The following PATJ variants were observed in gnomAD, a reference collection of about 807,000 sequenced individuals.
PATJ encodes PATJ crumbs cell polarity complex component, also known as inaD-like protein.
PATJ carries 190 observed loss-of-function variants against 224.9 expected under a neutral mutation model. That is an observed-to-expected ratio of 0.84 (90% CI 0.75 to 0.95). PATJ has a LOEUF of 0.95. Among genes scored for constraint, PATJ ranks in the 40% least tolerant of loss-of-function variants. The pLI, the probability that PATJ is intolerant of heterozygous loss-of-function variation, is 0.00. For synonymous variants in PATJ, 769 were observed against 820.3 expected, an observed-to-expected ratio of 0.94 and a Z score of 1.07; for missense variants, 2,121 against 2,270.3, an observed-to-expected ratio of 0.93 and a Z score of 1.34.
intron 27 of PATJ, among the ~76,000 whole-genome samples, chr1:61,936,641 G>A (rs750980452): frequency 4.0e-5 from 6 of 151,864 alleles, no homozygotes; most frequent in Non-Finnish European, 8.8e-5. Context: ...GCGTGATCTC[G>A]GCTCACTGTA....
At chr1:61,755,114 T>G (rs1233225706) in intron 1 of PATJ, among the ~76,000 whole-genome samples, 2 of 151,948 alleles carry the variant, frequency 1.3e-5, no homozygotes, top group African/African-American at 4.8e-5. Flanking sequence ...AAGACCAGCC[T>G]GGCTGAGATG....
chr1:62,043,718 T>C (rs1381959868), intron 30 of PATJ, among the ~76,000 whole-genome samples: 1 of 131,768 alleles, frequency 7.6e-6, no homozygotes, highest in East Asian at 1.9e-4. Flanking sequence ...TTTTGTTTGG[T>C]TTTGGTTTGG....
At chr1:62,029,820 A>G (rs4915792) in intron 29 of PATJ, among the ~76,000 whole-genome samples, 20,314 of 152,194 alleles carry the variant, frequency 0.13, 1,572 homozygotes, top group Middle Eastern at 0.26. Context: ...TTTACTGAGT[A>G]CCTCCTGTAT....
chr1:61,931,157 A>G (rs556282481), intron 27 of PATJ, among the ~76,000 whole-genome samples: 3 of 152,168 alleles, frequency 2.0e-5, no homozygotes, highest in African/African-American at 4.8e-5. Flanking sequence ...TGGCTTTGCT[A>G]GTTGCTTATT....
At chr1:61,795,364 C>T in intron 9 of PATJ, 103 bp from the exon 10 acceptor site, 1 of 595,968 alleles carries the variant, frequency 1.7e-6, no homozygotes, top group East Asian at 2.8e-5. Flanking sequence ...ATTTATCAAA[C>T]CTCCAGTCAA....
chr1:61,800,530 G>T (rs990908833), intron 11 of PATJ, among the ~76,000 whole-genome samples: 8 of 152,244 alleles, frequency 5.3e-5, no homozygotes, highest in African/African-American at 1.9e-4. Context: ...TCTGTAGGTT[G>T]TCTGTTTACT....
At chr1:61,942,553 CTTT>C (rs57009563) in intron 27 of PATJ, among the ~76,000 whole-genome samples, 6 of 137,904 alleles carry the variant, frequency 4.4e-5, no homozygotes, top group African/African-American at 2.6e-5. Context: ...TTGGCAGTTT[CTTT>C]TTTTTTTTTT....
chr1:61,915,277 T>C (rs979246392), intron 26 of PATJ, among the ~76,000 whole-genome samples: 1 of 152,210 alleles, frequency 6.6e-6, no homozygotes, highest in Non-Finnish European at 1.5e-5. Context: ...TACCCACTGA[T>C]TTGCAGTCCA....
intron 17 of PATJ, among the ~76,000 whole-genome samples, chr1:61,842,755 A>G (rs1661303819): frequency 6.6e-6 from 1 of 151,838 alleles, no homozygotes; most frequent in East Asian, 1.9e-4. Context: ...AAAAAACAGA[A>G]CAGCTATTAA....
chr1:61,862,353 C>G (rs145859692), intron 19 of PATJ, among the ~76,000 whole-genome samples: 1 of 151,796 alleles, frequency 6.6e-6, no homozygotes, highest in Non-Finnish European at 1.5e-5. Flanking sequence ...TGCGCCACCA[C>G]GCCTGGCTAA....
intron 34 of PATJ, among the ~76,000 whole-genome samples, chr1:62,113,054 A>C (rs904280090): frequency 1.3e-5 from 2 of 152,232 alleles, no homozygotes; most frequent in African/African-American, 4.8e-5. Context: ...GTAAATATTC[A>C]TTAAGGACTA....
At chr1:61,873,157 A>G (rs1202880026) in intron 20 of PATJ, among the ~76,000 whole-genome samples, 1 of 152,048 alleles carries the variant, frequency 6.6e-6, no homozygotes. Context: ...TTGTACTGAT[A>G]AAATTTCTTA....
intron 27 of PATJ, among the ~76,000 whole-genome samples, 175 bp from the exon 28 acceptor site, chr1:61,989,993 C>T (rs1162184632): frequency 6.6e-6 from 1 of 152,036 alleles, no homozygotes; most frequent in African/African-American, 2.4e-5. Context: ...GCTATAGTCA[C>T]ACCTGTGAAT....
rs563945762 is a variant in PATJ at position 61,869,702 on chromosome 1, C to T, written c.2835+5069C>T. 9.2e-5 allele frequency among the ~76,000 whole-genome samples: 14 copies of T among 152,346 alleles called. 1 individual carries two copies. The East Asian group carries it at 2.7e-3, about 29-fold the overall frequency. ...CCTGTTTACTCAGCCCACTGCTCTC[C>T]TCGAGGGAGGGAGTGTGTGAGTGAA... On this transcript the variant is annotated intron_variant, in intron 20 of 43. Coordinates refer to ENST00000642238, the MANE Select transcript of PATJ (RefSeq NM_001350145.3).
chr1:61,941,283 T>C (rs1677779446), intron 27 of PATJ, among the ~76,000 whole-genome samples: 1 of 152,240 alleles, frequency 6.6e-6, no homozygotes, highest in Non-Finnish European at 1.5e-5. Context: ...ATGGCATAAC[T>C]TTATTATTCT....
At chr1:61,996,547 A>G (rs1334807611) in intron 28 of PATJ, among the ~76,000 whole-genome samples, 2 of 152,158 alleles carry the variant, frequency 1.3e-5, no homozygotes, top group Non-Finnish European at 2.9e-5. Context: ...AGATTACCAT[A>G]CATGGATGCA....
chr1:61,768,680 G>A (rs944308742), intron 4 of PATJ, among the ~76,000 whole-genome samples: 3 of 151,500 alleles, frequency 2.0e-5, no homozygotes, highest in Non-Finnish European at 4.4e-5. Context: ...CGGGTGGATC[G>A]CTTGAGCTCA....
chr1:61,986,354 C>T (rs12746542), intron 27 of PATJ, among the ~76,000 whole-genome samples: 40,614 of 151,924 alleles, frequency 0.27, 5,805 homozygotes, highest in East Asian at 0.45. Context: ...TGTTGATGTA[C>T]GGTCCATAAT....
At chr1:62,047,539 C>T (rs970006571) in intron 30 of PATJ, among the ~76,000 whole-genome samples, 8 of 152,130 alleles carry the variant, frequency 5.3e-5, no homozygotes, top group African/African-American at 1.9e-4. Flanking sequence ...CGTGAGCCAC[C>T]GCACCCAGCC....
Sources: gnomAD v4.1 joint callset for allele counts (sites outside exome capture counted in the v4.1 genomes callset) on GRCh38, gnomAD v4.1.1 for gene constraint, MANE v1.5 for transcripts, NCBI Gene and HGNC (gene_info 2026-07-23, HGNC 2026-07-21) for gene names.